Variants in PCDH15 observed in about 807,000 individuals in gnomAD.
PCDH15 encodes the protein protocadherin related 15.
PCDH15 carries 129 observed loss-of-function variants against 178.5 expected under a neutral mutation model. The ratio of observed to expected loss-of-function variants is 0.72; its 90% CI spans 0.63 to 0.84. PCDH15 has a LOEUF of 0.84. Among genes scored for constraint, PCDH15 ranks in the 40% least tolerant of loss-of-function variants. The pLI, the probability that PCDH15 is intolerant of heterozygous loss-of-function variation, is 0.00. For missense variants in PCDH15, 2,230 were observed against 2,099.9 expected (o/e 1.06, Z -1.21); for synonymous variants, 800 against 732.0 (o/e 1.09, Z -1.50).
chr10:55,184,050 C>T (rs1839728462), intron 1 of PCDH15, among the ~76,000 whole-genome samples: 1 of 151,886 alleles, frequency 6.6e-6, no homozygotes, highest in African/African-American at 2.4e-5. Context: ...AGCCGTATAA[C>T]TCTTGGTAAT....
intron 3 of PCDH15, among the ~76,000 whole-genome samples, chr10:54,394,138 C>G (rs74136137): frequency 0.076 from 11,633 of 152,118 alleles, 1,493 homozygotes; most frequent in African/African-American, 0.26. Flanking sequence ...TAATTTTAGC[C>G]TGTGTAGAAA....
At chr10:55,383,504 C>T (rs963877446) in intron 2 of PCDH15, among the ~76,000 whole-genome samples, 4 of 152,116 alleles carry the variant, frequency 2.6e-5, no homozygotes, top group East Asian at 1.9e-4. Context: ...GGGAACCATC[C>T]TCTTTTACCC....
chr10:54,687,862 G>A (rs2095041971), intron 1 of PCDH15, among the ~76,000 whole-genome samples: 1 of 151,840 alleles, frequency 6.6e-6, no homozygotes, highest in Non-Finnish European at 1.5e-5. Flanking sequence ...AACAATATCT[G>A]CCTTAACATC....
chr10:54,006,089 G>A (rs2092377504), intron 20 of PCDH15, among the ~76,000 whole-genome samples: 1 of 152,156 alleles, frequency 6.6e-6, no homozygotes, highest in South Asian at 2.1e-4. Flanking sequence ...TATTTATGGA[G>A]CCATGGGAGA....
chr10:53,887,539 CTT>C (rs1225914876), intron 26 of PCDH15, among the ~76,000 whole-genome samples: 1 of 152,084 alleles, frequency 6.6e-6, no homozygotes, highest in Non-Finnish European at 1.5e-5. Context: ...CACGTTTCTT[CTT>C]TGTTTCTACA....
chr10:54,641,765 G>A (rs978005042), intron 2 of PCDH15, among the ~76,000 whole-genome samples: 21 of 152,028 alleles, frequency 1.4e-4, no homozygotes, highest in Admixed American at 1.3e-3. Context: ...GTTTTCTTCA[G>A]TCTTTACACA....
chr10:54,921,570 G>A (rs1488480542), intron 2 of PCDH15, among the ~76,000 whole-genome samples: 3 of 152,066 alleles, frequency 2.0e-5, no homozygotes, highest in Non-Finnish European at 4.4e-5. Context: ...ACTTATAAGT[G>A]AGAACATATA....
At chr10:54,548,374 ATTAT>A (rs1464808725) in intron 2 of PCDH15, among the ~76,000 whole-genome samples, 2 of 148,052 alleles carry the variant, frequency 1.4e-5, no homozygotes, top group African/African-American at 2.4e-5. Flanking sequence ...ATCTATTGTA[ATTAT>A]TTATTAAGTG....
At chr10:53,953,221 A>G (rs1399063421) in intron 23 of PCDH15, among the ~76,000 whole-genome samples, 1 of 152,246 alleles carries the variant, frequency 6.6e-6, no homozygotes, top group African/African-American at 2.4e-5. Context: ...AGAGATATAT[A>G]TTTCAAAAGT....
intron 2 of PCDH15, among the ~76,000 whole-genome samples, chr10:54,918,011 T>C (rs1205405618): frequency 1.0e-4 from 1 of 9,638 alleles, no homozygotes; most frequent in Non-Finnish European, 4.7e-4. Context: ...TTCTCCCTGA[T>C]TTTATTCAAA....
At chr10:55,335,044 T>C (rs1844344157) in intron 2 of PCDH15, among the ~76,000 whole-genome samples, 1 of 152,194 alleles carries the variant, frequency 6.6e-6, no homozygotes, top group Non-Finnish European at 1.5e-5. Context: ...AAAGAGTGGA[T>C]TGCAATCTGC....
At chr10:54,844,047 C>T (rs965927868) in intron 3 of PCDH15, among the ~76,000 whole-genome samples, 1 of 151,910 alleles carries the variant, frequency 6.6e-6, no homozygotes, top group East Asian at 1.9e-4. Context: ...TCAGTGTTAT[C>T]CTACTGAGTT....
chr10:54,330,132 ATTTTAAGTAT>A (rs1939142322), intron 6 of PCDH15, among the ~76,000 whole-genome samples: 1 of 149,406 alleles, frequency 6.7e-6, no homozygotes, highest in Non-Finnish European at 1.5e-5. Context: ...TCCATTCTGT[ATTTTAAGTAT>A]TTTTAAGTAT....
chr10:53,873,772 T>G (rs1485765417), intron 26 of PCDH15, among the ~76,000 whole-genome samples: 1 of 152,184 alleles, frequency 6.6e-6, no homozygotes. Flanking sequence ...TAATACTCAA[T>G]GTGATGTCAT....
At chr10:54,815,693 CA>C (rs1944954599) in intron 3 of PCDH15, among the ~76,000 whole-genome samples, 1 of 152,048 alleles carries the variant, frequency 6.6e-6, no homozygotes, top group African/African-American at 2.4e-5. Context: ...ACAGTACTCC[CA>C]GGCAACAAAG....
intron 2 of PCDH15, among the ~76,000 whole-genome samples, chr10:55,157,125 A>ATATC (rs71014455): frequency 1.3e-5 from 2 of 151,572 alleles, no homozygotes; most frequent in East Asian, 2.0e-4. Context: ...CATTCTATCT[A>ATATC]TATCTATCTA....
At chr10:54,569,547 G>A (rs768827643) in intron 2 of PCDH15, among the ~76,000 whole-genome samples, 1 of 152,124 alleles carries the variant, frequency 6.6e-6, no homozygotes, top group African/African-American at 2.4e-5. Context: ...CAGGTATTAA[G>A]GAAGTTGGTG....
intron 2 of PCDH15, among the ~76,000 whole-genome samples, chr10:55,114,524 A>G (rs1024115364): frequency 6.6e-6 from 1 of 152,190 alleles, no homozygotes; most frequent in African/African-American, 2.4e-5. Context: ...CTATCTAACT[A>G]CGGTCTGGAT....
intron 2 of PCDH15, among the ~76,000 whole-genome samples, chr10:55,432,117 C>CACACACACA (rs1565132647): frequency 7.0e-5 from 7 of 99,474 alleles, no homozygotes; most frequent in African/African-American, 2.2e-4. Context: ...ACACACACCA[C>CACACACACA]AAGTCTCTCC....
Sources: allele counts gnomAD v4.1 joint callset (sites outside exome capture counted in the v4.1 genomes callset), GRCh38; gene constraint gnomAD v4.1.1; transcripts MANE v1.5; gene names NCBI Gene and HGNC (gene_info 2026-07-23, HGNC 2026-07-21).